The following ZBTB44 variants were observed in gnomAD, a reference collection of about 807,000 sequenced individuals.
The protein encoded by ZBTB44 is zinc finger and BTB domain containing 44.
ZBTB44 carries 15 observed loss-of-function variants against 54.0 expected under a neutral mutation model. The ratio of observed to expected loss-of-function variants is 0.28; its 90% CI spans 0.19 to 0.43. The LOEUF (loss-of-function observed/expected upper bound fraction) is 0.43. ZBTB44 is among the 20% of genes least tolerant of loss of function. The pLI is 1.00. For missense variants in ZBTB44, 487 were observed against 707.1 expected, an observed-to-expected ratio of 0.69 and a Z score of 3.53; for synonymous variants, 230 against 250.1, an observed-to-expected ratio of 0.92 and a Z score of 0.76.
intron 2 of ZBTB44, among the ~76,000 whole-genome samples, chr11:130,252,699 C>A (rs1194283116): frequency 6.6e-6 from 1 of 152,120 alleles, no homozygotes; most frequent in African/African-American, 2.4e-5. Context: ...AAGAGGGAAT[C>A]CTCCCTAACT....
In ZBTB44 at chr11:130,227,501, A is replaced by G. The variant is rs749296090; in HGVS notation, c.*4263T>C. On this transcript the variant is annotated 3_prime_UTR_variant, in exon 8 of 8. Transcript: ENST00000357899. Reference sequence around the variant, plus strand: ...ATGCCAGTGCCCAGAAAGAATCACAATGCTATAACTGGCAGGGTAAAAAAG... The same window carrying G: ...ATGCCAGTGCCCAGAAAGAATCACAGTGCTATAACTGGCAGGGTAAAAAAG... The G allele has an allele frequency of 1.3e-5, 2 of 152,204 alleles. No individual in the cohort carries two copies. The highest frequency in any genetic ancestry group is 2.9e-5 in the Non-Finnish European group (2 of 68,050). The allele number at this position is 152,204 out of a possible 1,614,324, so 9.4% of individuals were successfully genotyped here. A position where few individuals can be genotyped will look rare whatever the true frequency, so the allele number is the denominator to read the frequency against.
At chr11:130,276,676 G>A (rs1184274363) in intron 1 of ZBTB44, among the ~76,000 whole-genome samples, 4 of 151,938 alleles carry the variant, frequency 2.6e-5, no homozygotes, top group East Asian at 1.9e-4. Context: ...TGATCTGTCC[G>A]CCTCGGCCTC....
At chr11:130,276,242 A>AAAAAAAAGAAAAAG (rs59112840) in intron 1 of ZBTB44, among the ~76,000 whole-genome samples, 2 of 94,420 alleles carry the variant, frequency 2.1e-5, no homozygotes, top group Non-Finnish European at 4.1e-5. Flanking sequence ...CAAAAAAAAA[A>AAAAAAAAGAAAAAG]AAAAGAAAAA....
At chr11:130,259,367 A>G (rs1938680556) in intron 2 of ZBTB44, among the ~76,000 whole-genome samples, 1 of 152,264 alleles carries the variant, frequency 6.6e-6, no homozygotes, top group African/African-American at 2.4e-5. Context: ...ACTGTAAACT[A>G]GTTCAACCAT....
chr11:130,261,253 T>C lies in ZBTB44; in HGVS notation c.621A>G (p.Val207=). ...CTGAGTAGGAAGCTGAAGAATTCAA[T>C]ACCTGGGGTGAGCTTGTTTGTGTGC... ...KCGTQTSSPQ[V]LNSSASYSEN... is the part of the protein sequence containing the mutation. The change falls in exon 2 of 8, where the codon GTA becomes GTG. Residue 207 remains valine (V), a synonymous_variant. Coordinates refer to ENST00000357899, the MANE Select transcript of ZBTB44 (RefSeq NM_001301098.2). The surrounding 1 kb of genome is among the most constrained non-coding windows in gnomAD (Gnocchi z 4.8). 6.2e-7 allele frequency: 1 copy of C among 1,613,942 alleles called. No individual in the cohort carries two copies. Among genetic ancestry groups the C allele is most frequent in the South Asian group, 1.1e-5 (1 of 91,084 alleles).
In ZBTB44 at chr11:130,296,192, G is replaced by A. The variant is rs1350953687; in HGVS notation, c.-57+18183C>T. 2.8e-5 allele frequency: 37 copies of A among 1,322,766 alleles called. No individual in the cohort carries two copies. The East Asian group carries it at 6.9e-4, about 25-fold the overall frequency. 81.9% of individuals were successfully genotyped at this position (1,322,766 alleles called of 1,614,324 possible). On this transcript the variant is annotated intron_variant, in intron 1 of 7. Coordinates refer to ENST00000357899, the MANE Select transcript of ZBTB44 (RefSeq NM_001301098.2). ...GTTGGCAAGGATTTCTCTGAAAAAA[G>A]GAGCCATTGTATGTTAGTGTTGATG...
chr11:130,281,267 C>A (rs1940476980), intron 1 of ZBTB44, among the ~76,000 whole-genome samples: 1 of 152,082 alleles, frequency 6.6e-6, no homozygotes, highest in Non-Finnish European at 1.5e-5. Flanking sequence ...CGCCTGTAAT[C>A]CCAGCACTTT....
At chr11:130,307,991 A>G (rs146448782) in intron 1 of ZBTB44, among the ~76,000 whole-genome samples, 2,111 of 152,208 alleles carry the variant, frequency 0.014, 37 homozygotes, top group African/African-American at 0.04. Context: ...CTCCCAAAGT[A>G]CTGGGATTAC....
chr11:130,242,522 CTTTT>C (rs983369868), intron 2 of ZBTB44, among the ~76,000 whole-genome samples: 4 of 134,590 alleles, frequency 3.0e-5, no homozygotes, highest in Non-Finnish European at 6.5e-5. Context: ...ATGATCAATT[CTTTT>C]TGTTTGAAAA....
intron 1 of ZBTB44, among the ~76,000 whole-genome samples, chr11:130,303,438 C>G (rs1437102320): frequency 6.6e-6 from 1 of 152,156 alleles, no homozygotes; most frequent in Non-Finnish European, 1.5e-5. Flanking sequence ...GAGTTCAAGA[C>G]CAGCCTGACC....
intron 1 of ZBTB44, among the ~76,000 whole-genome samples, chr11:130,270,074 G>T (rs1939559067): frequency 6.6e-6 from 1 of 152,108 alleles, no homozygotes; most frequent in South Asian, 2.1e-4. Context: ...AAAGTGACGT[G>T]GCTGCTTAAC....
chr11:130,227,642 G>A lies in ZBTB44; in HGVS notation c.*4122C>T, dbSNP rs1488178630. On this transcript the variant is annotated 3_prime_UTR_variant, in exon 8 of 8. Transcript: ENST00000357899. The stretch of plus-strand genomic sequence containing the variant: ...GACCATGGTGTACAGTTTCCGCCTA[G>A]GCTGGCTGCACTAGGAAGTACTCCA... 1 of 152,196 alleles carries A rather than the reference G, an allele frequency of 6.6e-6. No homozygotes were observed. The highest frequency in any genetic ancestry group is 1.5e-5 in the Non-Finnish European group (1 of 68,030). 9.4% of individuals were successfully genotyped at this position (152,196 alleles called of 1,614,324 possible). A position where few individuals can be genotyped will look rare whatever the true frequency, so the allele number is the denominator to read the frequency against.
chr11:130,286,346 A>G (rs1468586905), intron 1 of ZBTB44, among the ~76,000 whole-genome samples: 1 of 152,212 alleles, frequency 6.6e-6, no homozygotes, highest in Non-Finnish European at 1.5e-5. Context: ...TTTGACCTGT[A>G]AATGTATTTT....
intron 1 of ZBTB44, among the ~76,000 whole-genome samples, chr11:130,265,199 C>A (rs1447557209): frequency 2.0e-5 from 3 of 152,000 alleles, no homozygotes; most frequent in African/African-American, 7.2e-5. Context: ...TCTAAATGAC[C>A]AAGTGAAAGG....
chr11:130,258,898 C>T (rs770216983), intron 2 of ZBTB44, among the ~76,000 whole-genome samples: 1 of 152,144 alleles, frequency 6.6e-6, no homozygotes, highest in Non-Finnish European at 1.5e-5. Context: ...TATTCCTGAA[C>T]ACTTTGTGAT....
intron 1 of ZBTB44, among the ~76,000 whole-genome samples, chr11:130,280,761 C>T (rs1180657755): frequency 1.3e-5 from 2 of 152,196 alleles, no homozygotes; most frequent in African/African-American, 4.8e-5. Flanking sequence ...TTCTAGCACG[C>T]TTTTTGTATT....
At chr11:130,296,579 C>G in intron 1 of ZBTB44, 1 of 922,918 alleles carries the variant, frequency 1.1e-6, no homozygotes, top group South Asian at 1.3e-5. Context: ...ATATATTCAT[C>G]GTGTAGGTAG....
rs1375063540 is a variant in ZBTB44 at position 130,302,790 on chromosome 11, T to C, written c.-57+11585A>G. On this transcript the variant is annotated intron_variant, in intron 1 of 7. Transcript: ENST00000357899. ...GAGTTCGAGATCAGCCTGCCTGACA[T>C]GGTGAAACCCCGTCTCTACTTAAAA... is the stretch of plus-strand genomic sequence containing the variant. 5.3e-5 allele frequency among the ~76,000 whole-genome samples: 8 copies of C among 152,284 alleles called. No homozygotes were observed. In the Middle Eastern group the frequency reaches 0.01, roughly 194 times the overall value.
chr11:130,272,541 G>C (rs1939751360), intron 1 of ZBTB44, among the ~76,000 whole-genome samples: 1 of 152,182 alleles, frequency 6.6e-6, no homozygotes, highest in Non-Finnish European at 1.5e-5. Context: ...CTCTCATTCT[G>C]TGGGTTGTCT....
Sources: allele counts gnomAD v4.1 joint callset (sites outside exome capture counted in the v4.1 genomes callset), GRCh38; gene constraint gnomAD v4.1.1; non-coding constraint Gnocchi (gnomAD v3.1); transcripts MANE v1.5; gene names NCBI Gene and HGNC (gene_info 2026-07-23, HGNC 2026-07-21).